The following ADAMTS9 variants were observed in gnomAD, a reference collection of about 807,000 sequenced individuals.
The protein encoded by ADAMTS9 is A disintegrin and metalloproteinase with thrombospondin motifs 9.
A neutral mutation model predicts 257.1 loss-of-function variants in ADAMTS9; 107 were observed. That is an observed-to-expected ratio of 0.42 (90% CI 0.36 to 0.49). The LOEUF is 0.49. Ranked by LOEUF, ADAMTS9 falls within the 20% of genes least tolerant of loss-of-function variation. The probability of loss-of-function intolerance (pLI) is 0.03; values close to 1 mark genes in which losing one functional copy is unlikely to be tolerated. For synonymous variants in ADAMTS9, 982 were observed against 880.9 expected, an observed-to-expected ratio of 1.11 and a Z score of -2.03; for missense variants, 2,353 against 2,469.1, an observed-to-expected ratio of 0.95 and a Z score of 1.00.
rs758184611 is a variant in ADAMTS9, at chr3:64,596,961, G to T, written c.4048C>A (p.Arg1350=). ...CSSTCAGGSQ[R]RVVVCQDENG... is the part of the protein sequence containing the mutation. ...TCATCCTGACATACAACAACACGCC[G>T]CTGGGATCCGCCAGCACAGGTACTG... Residue 1350 remains arginine (R), a synonymous_variant, in exon 27 of 40, where the codon CGG becomes AGG. Coordinates refer to ENST00000498707, the MANE Select transcript of ADAMTS9 (RefSeq NM_182920.2). 12 of 1,612,252 alleles carry T rather than the reference G, an allele frequency of 7.4e-6. No homozygotes were observed. The highest frequency in any genetic ancestry group is 3.3e-4 in the Middle Eastern group (2 of 6,052).
intron 14 of ADAMTS9, among the ~76,000 whole-genome samples, chr3:64,633,042 T>G (rs902666762): frequency 8.5e-5 from 13 of 152,300 alleles, no homozygotes; most frequent in African/African-American, 3.1e-4. Context: ...TGATCGTGGT[T>G]AAAAATGCAA....
At chr3:64,544,104 G>T (rs1396511115) in intron 32 of ADAMTS9, among the ~76,000 whole-genome samples, 1 of 152,090 alleles carries the variant, frequency 6.6e-6, no homozygotes, top group Non-Finnish European at 1.5e-5. Context: ...ACTGCTCAAC[G>T]AAATAAAAGA....
intron 11 of ADAMTS9, among the ~76,000 whole-genome samples, chr3:64,644,246 T>A (rs985341392): frequency 2.0e-5 from 3 of 152,204 alleles, no homozygotes; most frequent in Non-Finnish European, 4.4e-5. Flanking sequence ...GTACTATTAT[T>A]ACTTCCATTT....
rs574613405 is a variant in ADAMTS9, at chr3:64,645,910, C to A, written c.1710+2030G>T. Among the ~76,000 whole-genome samples the A allele has an allele frequency of 3.3e-5, 5 of 152,338 alleles. No homozygotes were observed. The East Asian group carries it at 9.7e-4, about 29-fold the overall frequency. On this transcript the variant is annotated intron_variant, in intron 11 of 39. Coordinates refer to ENST00000498707, the MANE Select transcript of ADAMTS9 (RefSeq NM_182920.2). ...AAATTACCCTACGATCCCTCCTCTT[C>A]TGCAAAAACAGAAGATTGGGAAAAG...
At chr3:64,541,791 T>C (rs1327704655) in intron 33 of ADAMTS9, 47 bp downstream of exon 33, 5 of 1,610,466 alleles carry the variant, frequency 3.1e-6, no homozygotes, top group South Asian at 1.1e-5. Flanking sequence ...AACAAAGACA[T>C]CCTGTTCTTC....
rs2106838214 is a variant in ADAMTS9, at chr3:64,613,419, C to T, written c.3280G>A (p.Glu1094Lys). The T allele has an allele frequency of 1.2e-6, 2 of 1,614,062 alleles. No individual in the cohort carries two copies. The highest frequency in any genetic ancestry group is 1.7e-5 in the Admixed American group (1 of 60,024). Residue 1094 changes from glutamate to lysine, a missense_variant, in exon 22 of 40, where the codon GAG (glutamate) becomes AAG (lysine). Coordinates refer to ENST00000498707, the MANE Select transcript of ADAMTS9 (RefSeq NM_182920.2). Reference sequence around the variant, plus strand: ...GTCTGCATAGATGTTGGCTTGGTCTCAGGGTCACACATTCTATCATTTAAT... The same window carrying T: ...GTCTGCATAGATGTTGGCTTGGTCTTAGGGTCACACATTCTATCATTTAAT... Reference protein sequence around the residue: ...DRLNDRMCDPETKPTSMQTCQ... With the variant: ...DRLNDRMCDPKTKPTSMQTCQ...
At chr3:64,527,763 T>C (rs1038131065) in intron 38 of ADAMTS9, among the ~76,000 whole-genome samples, 2 of 152,184 alleles carry the variant, frequency 1.3e-5, no homozygotes, top group African/African-American at 4.8e-5. Flanking sequence ...CTACCTAAAA[T>C]GTAAATGTAC....
At chr3:64,665,654 T>C (rs1297112784) in intron 3 of ADAMTS9, among the ~76,000 whole-genome samples, 2 of 152,246 alleles carry the variant, frequency 1.3e-5, no homozygotes, top group Non-Finnish European at 2.9e-5. Context: ...TTCAAAGCCA[T>C]GAGCTGTATA....
chr3:64,654,953 T>C (rs1701024876), intron 6 of ADAMTS9, among the ~76,000 whole-genome samples: 2 of 152,280 alleles, frequency 1.3e-5, no homozygotes, highest in South Asian at 4.1e-4. Context: ...CAAGATACCT[T>C]TGTTTTACTT....
Position 64,686,912 on chromosome 3 carries a change from C to G in ADAMTS9, c.172G>C (p.Ala58Pro). 1.2e-6 allele frequency: 2 copies of G among 1,614,120 alleles called. No individual in the cohort carries two copies. Among genetic ancestry groups the G allele is most frequent in the Non-Finnish European group, 1.7e-6 (2 of 1,180,006 alleles). The change falls in exon 2 of 40, where the codon GCT (alanine) becomes CCT (proline). Residue 58 changes from alanine to proline, a missense_variant. Ala to Pro is a conservative substitution (Grantham distance 27). Transcript: ENST00000498707. The surrounding 1 kb of genome is among the most constrained non-coding windows in gnomAD (Gnocchi z 4.6). ...YEIVSPIRVN[A>P]LGEPFPTNVH... is the part of the protein sequence containing the mutation. ...TTCGTGGGAAAGGGTTCTCCGAGAG[C>G]GTTCACTCGGATGGGAGACACGATT...
chr3:64,650,994 C>T (rs1428629620), intron 9 of ADAMTS9, 23 bp downstream of exon 9: 2 of 1,585,266 alleles, frequency 1.3e-6, no homozygotes, highest in Non-Finnish European at 1.7e-6. Context: ...GAAGTTTGTG[C>T]TAAAAGAATG....
chr3:64,522,072 T>C, intron 39 of ADAMTS9, 94 bp downstream of exon 39: 1 of 1,074,406 alleles, frequency 9.3e-7, no homozygotes. Flanking sequence ...GATGCTTAAC[T>C]GTAACCCTGC....
intron 28 of ADAMTS9, among the ~76,000 whole-genome samples, chr3:64,572,611 C>T (rs1377715782): frequency 6.6e-6 from 1 of 152,130 alleles, no homozygotes; most frequent in Non-Finnish European, 1.5e-5. Context: ...CCTGGGGTTG[C>T]TGAGGCTGCC....
In ADAMTS9 at chr3:64,624,150, G is replaced by T. The variant is rs938503925; in HGVS notation, c.2390-1564C>A. Among the ~76,000 whole-genome samples, 8 of 151,782 alleles carry T rather than the reference G, an allele frequency of 5.3e-5. No individual in the cohort carries two copies. In the South Asian group the frequency reaches 1.2e-3, roughly 24 times the overall value. On this transcript the variant is annotated intron_variant, in intron 16 of 39. Transcript: ENST00000498707. ...ATACATTCTGGAGATCTAGTATACA[G>T]CAATGTGACTATAGTTAACTTTAGT... is the stretch of plus-strand genomic sequence containing the variant.
chr3:64,613,628 T>C, intron 21 of ADAMTS9, 119 bp from the exon 22 acceptor site: 1 of 950,680 alleles, frequency 1.1e-6, no homozygotes, highest in Non-Finnish European at 1.5e-6. Context: ...CACTCTCCCA[T>C]AGCAATTTGT....
rs1276542056 is a variant in ADAMTS9, at chr3:64,604,342, T to C, written c.3475-11A>G. 2.6e-6 allele frequency: 4 copies of C among 1,550,106 alleles called. No individual in the cohort carries two copies. In the East Asian group the frequency reaches 6.8e-5, roughly 26 times the overall value. ...TGGTAATTCACAGTCCTAGACGTGA[T>C]GGGGGAAAAAAAAACAAAGTCACTT... is the stretch of plus-strand genomic sequence containing the variant. On this transcript the variant is annotated splice_polypyrimidine_tract_variant and intron_variant, in intron 23 of 39. Coordinates refer to ENST00000498707, the MANE Select transcript of ADAMTS9 (RefSeq NM_182920.2).
rs1444534243 is a variant in ADAMTS9, at chr3:64,602,042, G to A, written c.3919C>T (p.His1307Tyr). ...CGATAGTCCTCATTTTGGAAGGGGT[G>A]CTGAGCTAAGCCACTGTCTGGGGTC... The part of the protein sequence containing the change: ...QRTPDSGLAQ[H>Y]PFQNEDYRPR... The change falls in exon 26 of 40, where the codon CAC (histidine) becomes TAC (tyrosine). Residue 1307 changes from histidine (H) to tyrosine (Y), a missense_variant. His to Tyr is a moderately conservative substitution (Grantham distance 83). Around this residue, in one of 3 missense-constraint regions of ADAMTS9, gnomAD observed 1,402 missense variants for 1,441.4 expected, o/e 0.97. Coordinates refer to ENST00000498707, the MANE Select transcript of ADAMTS9 (RefSeq NM_182920.2). 6.2e-7 allele frequency: 1 copy of A among 1,614,090 alleles called. No homozygotes were observed. The highest frequency in any genetic ancestry group is 2.2e-5 in the East Asian group (1 of 44,844).
intron 31 of ADAMTS9, among the ~76,000 whole-genome samples, chr3:64,547,538 T>C (rs4688209): frequency 0.92 from 127,375 of 138,106 alleles, 59,251 homozygotes; most frequent in East Asian, 1. Context: ...TTTGAGACTG[T>C]GTCTCACTCT....
chr3:64,597,271 C>A (rs1320612670), intron 26 of ADAMTS9, among the ~76,000 whole-genome samples: 1 of 152,188 alleles, frequency 6.6e-6, no homozygotes, highest in Non-Finnish European at 1.5e-5. Flanking sequence ...ACTTCCAAAG[C>A]AGGCCACTTA....
Sources: gnomAD v4.1 joint callset for allele counts (sites outside exome capture counted in the v4.1 genomes callset) on GRCh38, gnomAD v4.1.1 for gene constraint, gnomAD v4.1.1 regional missense constraint, Gnocchi (gnomAD v3.1) non-coding constraint, MANE v1.5 for transcripts, NCBI Gene and HGNC (gene_info 2026-07-23, HGNC 2026-07-21) for gene names.